The following C16orf46 variants were observed in gnomAD, a reference collection of about 807,000 sequenced individuals.
C16orf46 encodes the protein uncharacterized protein C16orf46.
In C16orf46, 7 loss-of-function variants were observed where a neutral mutation model predicts 5.5. That is an observed-to-expected ratio of 1.28 (90% CI 0.73 to 2.40). C16orf46 has a LOEUF of 2.40. Ranked by LOEUF, C16orf46 falls within the 30% of genes most tolerant of loss-of-function variation. The probability of loss-of-function intolerance (pLI) is 0.00; values close to 1 mark genes in which losing one functional copy is unlikely to be tolerated. For missense variants in C16orf46, 614 were observed against 476.0 expected (o/e 1.29, Z -2.70); for synonymous variants, 200 against 184.1 (o/e 1.09, Z -0.70).
At chr16:81,058,660 C>A (rs561130046), downstream of C16orf46, among the ~76,000 whole-genome samples, 68 of 152,278 alleles carry the variant, frequency 4.5e-4, no homozygotes, top group East Asian at 0.011. Flanking sequence ...GTCAGTTATT[C>A]ATTAGAGGGA....
chr16:81,067,926 G>C (rs11859373), intron 1 of C16orf46, among the ~76,000 whole-genome samples: 2 of 152,150 alleles, frequency 1.3e-5, no homozygotes, highest in African/African-American at 4.8e-5. Flanking sequence ...CTACAAAAAA[G>C]ATATAACATC....
chr16:81,054,606 G>T (rs1048845998), intron 3 of C16orf46, among the ~76,000 whole-genome samples: 1 of 151,902 alleles, frequency 6.6e-6, no homozygotes, highest in East Asian at 1.9e-4. Context: ...GTCCCAAAGT[G>T]CTGGGATTAC....
At chr16:81,076,956 C>G (rs889526122) in intron 1 of C16orf46, 180 bp downstream of exon 1, 1 of 152,324 alleles carries the variant, frequency 6.6e-6, no homozygotes, top group Non-Finnish European at 1.5e-5. Flanking sequence ...CCCAACGGAT[C>G]CTCCTCAGGC....
At chr16:81,065,131 C>A (rs957203537) in intron 2 of C16orf46, among the ~76,000 whole-genome samples, 5 of 152,132 alleles carry the variant, frequency 3.3e-5, no homozygotes, top group African/African-American at 1.2e-4. Flanking sequence ...CCGGCTGTGT[C>A]CCTTGAGCGA....
chr16:81,058,237 C>T (rs1971361814), downstream of C16orf46, among the ~76,000 whole-genome samples: 1 of 152,132 alleles, frequency 6.6e-6, no homozygotes, highest in Non-Finnish European at 1.5e-5. Context: ...AAATATACAT[C>T]CTGATGGTTC....
exon 4 of C16orf46, chr16:81,054,091 T>C: frequency 6.2e-7 from 1 of 1,612,852 alleles, no homozygotes; most frequent in African/African-American, 1.3e-5. Context: ...TTCTTTTTCC[T>C]GTGCTGTAAC....
At chr16:81,070,118 C>A (rs990087447) in intron 1 of C16orf46, among the ~76,000 whole-genome samples, 11 of 151,308 alleles carry the variant, frequency 7.3e-5, no homozygotes, top group Admixed American at 3.3e-4. Context: ...GAGTGAGACT[C>A]CATCTCAAAA....
At chr16:81,053,786 T>C (rs1971213488) in exon 4 of C16orf46, 2 of 333,956 alleles carry the variant, frequency 6.0e-6, no homozygotes, top group African/African-American at 4.2e-5. Context: ...ATCTCCACGG[T>C]GACTTTGTTA....
At chr16:81,071,824 T>G (rs748788748) in intron 1 of C16orf46, among the ~76,000 whole-genome samples, 5 of 151,846 alleles carry the variant, frequency 3.3e-5, no homozygotes, top group Non-Finnish European at 5.9e-5. Context: ...AGAAAAAAAA[T>G]GCAGGAAGGT....
intron 3 of C16orf46, chr16:81,055,324 C>A (rs1971263420): frequency 6.6e-6 from 1 of 152,136 alleles, no homozygotes; most frequent in Admixed American, 6.5e-5. Flanking sequence ...GCTTAGTGAA[C>A]TGTCATAACC....
In C16orf46 at chr16:81,054,018, T is replaced by G. The variant is rs1971224578; in HGVS notation, c.*53A>C. The G allele has an allele frequency of 1.9e-6, 3 of 1,561,836 alleles. No homozygotes were observed. In the Admixed American group the frequency reaches 5.0e-5, roughly 26 times the overall value. On this transcript the variant is annotated 3_prime_UTR_variant, in exon 4 of 4. Transcript: ENST00000378611. Reference sequence around the variant, plus strand: ...CTGGGTGAAATATTTGCTTTTATGATTACATCTCAACCGTGTTGCTGCTTA... The same window carrying G: ...CTGGGTGAAATATTTGCTTTTATGAGTACATCTCAACCGTGTTGCTGCTTA...
At chr16:81,069,961 A>G (rs1441456320) in intron 1 of C16orf46, 1 of 152,026 alleles carries the variant, frequency 6.6e-6, no homozygotes, top group Non-Finnish European at 1.5e-5. Context: ...CATCTCTACT[A>G]AAAATACAAA....
chr16:81,069,791 G>A (rs1971781743), intron 1 of C16orf46: 1 of 152,160 alleles, frequency 6.6e-6, no homozygotes, highest in South Asian at 2.1e-4. Context: ...CTAGATTTTA[G>A]GAAGATAAGA....
intron 1 of C16orf46, among the ~76,000 whole-genome samples, chr16:81,067,101 T>C (rs1467759314): frequency 6.6e-6 from 1 of 152,112 alleles, no homozygotes; most frequent in East Asian, 1.9e-4. Context: ...ATCAAAGAAC[T>C]TAAGATATTT....
At chr16:81,064,123 T>C in intron 2 of C16orf46, 130 bp from the exon 3 acceptor site, 7 of 542,376 alleles carry the variant, frequency 1.3e-5, no homozygotes, top group South Asian at 1.2e-4. Flanking sequence ...CTCATGCCTG[T>C]AATTCCAGGA....
At chr16:81,077,025 C>G (rs1407482463) in intron 1 of C16orf46, 111 bp downstream of exon 1, 1 of 152,496 alleles carries the variant, frequency 6.6e-6, no homozygotes, top group Non-Finnish European at 1.5e-5. Context: ...GTGCCTCTGC[C>G]TTTCGCTCCC....
rs142581816 is a variant in C16orf46 at position 81,062,048 on chromosome 16, C to T, written c.301G>A (p.Asp101Asn). ...GAGAGGTTAACACACACCAAGCAGTCGCTGCAGGCACCTTCCCCTACCCTC... is the reference window on the plus strand; with the variant it reads ...GAGAGGTTAACACACACCAAGCAGTTGCTGCAGGCACCTTCCCCTACCCTC... ...KARVGEGACS[D>N]CLVCVNLSHW... Residue 101 changes from aspartate to asparagine, a missense_variant, in exon 4 of 4, where the codon GAC becomes AAC. Coordinates refer to ENST00000299578, the MANE Select transcript of C16orf46 (RefSeq NM_152337.3). 1.2e-6 allele frequency: 2 copies of T among 1,613,230 alleles called. No individual in the cohort carries two copies. Among genetic ancestry groups the T allele is most frequent in the African/African-American group, 2.7e-5 (2 of 74,894 alleles).
At chr16:81,072,783 C>T (rs1352662197) in intron 1 of C16orf46, among the ~76,000 whole-genome samples, 2 of 152,074 alleles carry the variant, frequency 1.3e-5, no homozygotes, top group African/African-American at 4.8e-5. Context: ...CTCACTGCAA[C>T]CTCTGACTCC....
intron 3 of C16orf46, among the ~76,000 whole-genome samples, chr16:81,062,879 C>CTTTTT (rs35694573): frequency 7.2e-6 from 1 of 138,364 alleles, no homozygotes; most frequent in Non-Finnish European, 1.5e-5. Flanking sequence ...TAGTTTTATG[C>CTTTTT]TTTTTTTTTT....
Sources: allele counts gnomAD v4.1 joint callset (sites outside exome capture counted in the v4.1 genomes callset), GRCh38; gene constraint gnomAD v4.1.1; transcripts MANE v1.5; gene names NCBI Gene and HGNC (gene_info 2026-07-23, HGNC 2026-07-21).